CUX1: variants seen among roughly 807,000 people sequenced by gnomAD.
CUX1 encodes protein CASP.
CUX1 carries 31 observed loss-of-function variants against 158.8 expected under a neutral mutation model. That is an observed-to-expected ratio of 0.20 (90% CI 0.15 to 0.26). CUX1 has a LOEUF of 0.26. Ranked by LOEUF, CUX1 falls within the 10% of genes least tolerant of loss-of-function variation. CUX1 has a pLI of 1.00. For synonymous variants in CUX1, 879 were observed against 862.1 expected (o/e 1.02, Z -0.34); for missense variants, 1,589 against 2,014.6 (o/e 0.79, Z 4.04).
Position 102,255,526 on chromosome 7 carries a change from C to T in CUX1, c.*6484C>T, listed in dbSNP as rs536469712. The T allele has an allele frequency of 1.1e-4, 104 of 985,302 alleles. No individual in the cohort carries two copies. The highest frequency in any genetic ancestry group is 1.4e-4 in the South Asian group (3 of 21,284). The allele number at this position is 985,302 out of a possible 1,614,324, so 61.0% of individuals were successfully genotyped here. A position where few individuals can be genotyped will look rare whatever the true frequency, so the allele number is the denominator to read the frequency against. ...TTTTCATGAATCCTTTTAGTTTACCCGATAATGTTAAGAAAGCATTAGTCT... is the reference window on the plus strand; with the variant it reads ...TTTTCATGAATCCTTTTAGTTTACCTGATAATGTTAAGAAAGCATTAGTCT... On this transcript the variant is annotated 3_prime_UTR_variant, in exon 24 of 24. Coordinates refer to ENST00000292535, the MANE Select transcript of CUX1 (RefSeq NM_181552.4).
At chr7:102,179,098 A>G (rs1792733540) in intron 11 of CUX1, among the ~76,000 whole-genome samples, 1 of 151,956 alleles carries the variant, frequency 6.6e-6, no homozygotes, top group South Asian at 2.1e-4. Context: ...CACAAGCTGG[A>G]GTGCAATGGC....
chr7:102,194,485 A>T (rs1794590512), intron 13 of CUX1, among the ~76,000 whole-genome samples: 2 of 151,770 alleles, frequency 1.3e-5, no homozygotes. Context: ...CCGTGGTCCC[A>T]GCTACTTGGG....
chr7:101,908,960 A>G (rs546357984), intron 1 of CUX1, among the ~76,000 whole-genome samples: 59 of 152,170 alleles, frequency 3.9e-4, no homozygotes, highest in Non-Finnish European at 7.5e-4. Context: ...CAGCCCACAT[A>G]CACTTTAAAG....
Position 101,853,980 on chromosome 7 carries a change from C to T in CUX1, c.30+36311C>T, listed in dbSNP as rs994835787. On this transcript the variant is annotated intron_variant, in intron 1 of 23. Coordinates refer to ENST00000292535, the MANE Select transcript of CUX1 (RefSeq NM_181552.4). ...CTCGAATGAGCTTGCTTGCTGCAGG[C>T]GGCCTGCTCCATCTTGAGGCTTGTC... is the stretch of plus-strand genomic sequence containing the variant. Among the ~76,000 whole-genome samples the T allele has an allele frequency of 2.6e-5, 4 of 152,296 alleles. 1 individual carries two copies. Among genetic ancestry groups the T allele is most frequent in the African/African-American group, 2.4e-5 (1 of 41,578 alleles).
At position 102,253,067 on chromosome 7, in the gene CUX1, G is replaced by A. The variant is rs2132668484; in HGVS notation, c.*4025G>A. ...GATACCAGTCGACAGCCTCCCTGGG[G>A]TAGATCCCTTGTACCTCCAAAGTAC... On this transcript the variant is annotated 3_prime_UTR_variant, in exon 24 of 24. Coordinates refer to ENST00000292535, the MANE Select transcript of CUX1 (RefSeq NM_181552.4). The A allele has an allele frequency of 2.0e-6, 2 of 985,452 alleles. No individual in the cohort carries two copies. The highest frequency in any genetic ancestry group is 2.4e-6 in the Non-Finnish European group (2 of 829,934). The allele number at this position is 985,452 out of a possible 1,614,324, so 61.0% of individuals were successfully genotyped here.
Position 102,256,310 on chromosome 7 carries a change from T to G in CUX1, c.*7268T>G. 1 of 985,406 alleles carries G rather than the reference T, an allele frequency of 1.0e-6. No individual in the cohort carries two copies. The highest frequency in any genetic ancestry group is 1.2e-6 in the Non-Finnish European group (1 of 829,902). 61.0% of individuals were successfully genotyped at this position (985,406 alleles called of 1,614,324 possible). On this transcript the variant is annotated 3_prime_UTR_variant, in exon 24 of 24. Coordinates refer to ENST00000292535, the MANE Select transcript of CUX1 (RefSeq NM_181552.4). ...AGGGTGATTATAAAAGGATGTTTCC[T>G]TGAGAAAAAAAAAATTATTTCTATC...
chr7:101,833,979 CCCTCTGATCCTGTCCT>C (rs1794348995), intron 1 of CUX1, among the ~76,000 whole-genome samples: 1 of 151,846 alleles, frequency 6.6e-6, no homozygotes, highest in Non-Finnish European at 1.5e-5. Context: ...CTGGGCCGGC[CCCTCTGATCCTGTCCT>C]ACCCTGTGCA....
chr7:102,132,294 T>C (rs554261556), intron 8 of CUX1, among the ~76,000 whole-genome samples: 3 of 27,016 alleles, frequency 1.1e-4, no homozygotes, highest in Admixed American at 5.3e-4. Flanking sequence ...AGAGAGAGAG[T>C]GTGTGTGTGT....
At chr7:102,041,253 A>ATCCTTTT (rs1411639210) in intron 3 of CUX1, among the ~76,000 whole-genome samples, 3 of 66,070 alleles carry the variant, frequency 4.5e-5, no homozygotes, top group African/African-American at 1.2e-4. Context: ...CCTCTTATCC[A>ATCCTTTT]TTCTTTTTTT....
chr7:102,283,702 C>T (rs1210827081), exon 23 of CUX1: 2 of 152,790 alleles, frequency 1.3e-5, no homozygotes, highest in African/African-American at 2.4e-5. Context: ...CCCCCAGACC[C>T]ATGTGATTTC....
At chr7:102,058,222 A>G (rs1824380925) in intron 3 of CUX1, among the ~76,000 whole-genome samples, 1 of 152,242 alleles carries the variant, frequency 6.6e-6, no homozygotes, top group Admixed American at 6.5e-5. Context: ...TCACTGGAAA[A>G]TCAAAAAATT....
chr7:101,919,638 C>T (rs1251232987), intron 2 of CUX1, among the ~76,000 whole-genome samples: 1 of 152,118 alleles, frequency 6.6e-6, no homozygotes, highest in African/African-American at 2.4e-5. Flanking sequence ...TCTCTTTGTT[C>T]TGGGAAAGAA....
intron 2 of CUX1, among the ~76,000 whole-genome samples, chr7:102,007,702 C>A (rs553996377): frequency 9.2e-5 from 14 of 151,484 alleles, no homozygotes; most frequent in South Asian, 2.1e-4. Flanking sequence ...CCTCCTCCCC[C>A]CTCCCTCGCC....
chr7:101,972,646 T>C (rs563814866), intron 2 of CUX1, among the ~76,000 whole-genome samples: 48 of 152,304 alleles, frequency 3.2e-4, no homozygotes, highest in African/African-American at 1.1e-3. Flanking sequence ...CCACCTCCTG[T>C]GTATTCGTGT....
chr7:102,262,429 T>TGGATGGATGGATGGATG (rs1554544083), downstream of CUX1, among the ~76,000 whole-genome samples: 1,220 of 124,972 alleles, frequency 9.8e-3, 9 homozygotes, highest in South Asian at 0.041. Flanking sequence ...GATGGATGGA[T>TGGATGGATGGATGGATG]AACTCACAGG....
At chr7:102,099,285 G>C (rs1180328156) in intron 5 of CUX1, among the ~76,000 whole-genome samples, 1 of 152,064 alleles carries the variant, frequency 6.6e-6, no homozygotes, top group African/African-American at 2.4e-5. Flanking sequence ...GGACTAGAAG[G>C]GACAACTCTG....
At chr7:101,984,452 G>A (rs1334110061) in intron 2 of CUX1, among the ~76,000 whole-genome samples, 6 of 148,320 alleles carry the variant, frequency 4.0e-5, no homozygotes, top group Non-Finnish European at 1.5e-5. Context: ...ATTCTCTTCC[G>A]TGCTTCGTAG....
At chr7:101,861,459 T>C (rs1308917707) in intron 1 of CUX1, among the ~76,000 whole-genome samples, 1 of 152,164 alleles carries the variant, frequency 6.6e-6, no homozygotes, top group African/African-American at 2.4e-5. Context: ...AATGGTTCAG[T>C]CATTTGAATT....
chr7:102,216,901 A>T (rs1797284929), intron 20 of CUX1, among the ~76,000 whole-genome samples: 1 of 151,848 alleles, frequency 6.6e-6, no homozygotes, highest in African/African-American at 2.4e-5. Context: ...ACACACACAC[A>T]CACACATTTG....
Sources: gnomAD v4.1 joint callset for allele counts (sites outside exome capture counted in the v4.1 genomes callset) on GRCh38, gnomAD v4.1.1 for gene constraint, MANE v1.5 for transcripts, NCBI Gene and HGNC (gene_info 2026-07-23, HGNC 2026-07-21) for gene names.